CPPED1: variants seen among roughly 807,000 people sequenced by gnomAD.
The protein encoded by CPPED1 is serine/threonine-protein phosphatase CPPED1.
In CPPED1, 28 loss-of-function variants were observed where a neutral mutation model predicts 28.0. The ratio of observed to expected loss-of-function variants is 1.00; its 90% confidence interval spans 0.74 to 1.37. CPPED1 has a LOEUF of 1.37. CPPED1 is among the 40% of genes most tolerant of loss of function. The probability of loss-of-function intolerance (pLI) is 0.00; values close to 1 mark genes in which losing one functional copy is unlikely to be tolerated. For missense variants in CPPED1, 504 were observed against 416.5 expected (o/e 1.21, Z -1.83); for synonymous variants, 198 against 180.2 (o/e 1.10, Z -0.79).
In CPPED1 at chr16:12,662,166, T is replaced by C. The variant is rs771766394; in HGVS notation, c.*2720A>G. ...CACTTAGAATCAGGAAGTCCTTTTATCGTTTTTCACAGTATAAGGCACTTA... is the reference window on the plus strand; with the variant it reads ...CACTTAGAATCAGGAAGTCCTTTTACCGTTTTTCACAGTATAAGGCACTTA... On this transcript the variant is annotated 3_prime_UTR_variant, in exon 4 of 4. Coordinates refer to ENST00000381774, the MANE Select transcript of CPPED1 (RefSeq NM_018340.3). 3.3e-5 allele frequency: 5 copies of C among 152,232 alleles called. No homozygotes were observed. The highest frequency in any genetic ancestry group is 1.2e-4 in the African/African-American group (5 of 41,462). The allele number at this position is 152,232 out of a possible 1,614,324, so 9.4% of individuals were successfully genotyped here. A position where few individuals can be genotyped will look rare whatever the true frequency, so the allele number is the denominator to read the frequency against.
chr16:12,734,988 A>C (rs902418388), intron 2 of CPPED1, among the ~76,000 whole-genome samples: 4 of 152,166 alleles, frequency 2.6e-5, no homozygotes, highest in Non-Finnish European at 4.4e-5. Flanking sequence ...CTCAAGACAG[A>C]TCTTGGGTCA....
chr16:12,781,573 A>G (rs1006912636), intron 1 of CPPED1, among the ~76,000 whole-genome samples, 170 bp from the exon 2 acceptor site: 3 of 152,074 alleles, frequency 2.0e-5, no homozygotes, highest in Non-Finnish European at 4.4e-5. Context: ...GAGGATTTTG[A>G]TTTATACTAA....
At chr16:12,762,228 A>C (rs541477978) in intron 2 of CPPED1, among the ~76,000 whole-genome samples, 4 of 152,200 alleles carry the variant, frequency 2.6e-5, no homozygotes, top group African/African-American at 9.6e-5. Context: ...ATACTCTCTC[A>C]TTTATTTTTA....
chr16:12,704,517 G>C (rs2080037258), intron 3 of CPPED1, 107 bp downstream of exon 3: 4 of 1,220,538 alleles, frequency 3.3e-6, no homozygotes, highest in Non-Finnish European at 4.6e-6. Flanking sequence ...TCCCGGCCTA[G>C]TCCTCTCTCC....
At chr16:12,724,081 AC>A (rs1322351936) in intron 2 of CPPED1, among the ~76,000 whole-genome samples, 3 of 151,384 alleles carry the variant, frequency 2.0e-5, no homozygotes, top group Admixed American at 6.6e-5. Flanking sequence ...TATGCAAACC[AC>A]CCCCCACTCC....
intron 3 of CPPED1, among the ~76,000 whole-genome samples, chr16:12,672,825 C>A (rs1567272070): frequency 6.6e-6 from 1 of 152,086 alleles, no homozygotes; most frequent in East Asian, 1.9e-4. Flanking sequence ...AACAGCCTGG[C>A]CAAGATGGCA....
intron 2 of CPPED1, among the ~76,000 whole-genome samples, chr16:12,726,117 C>T (rs2080168600): frequency 6.6e-6 from 1 of 152,108 alleles, no homozygotes. Flanking sequence ...TCTTGGCTTA[C>T]CACAACCTCT....
intron 2 of CPPED1, among the ~76,000 whole-genome samples, chr16:12,779,361 G>A (rs2080516069): frequency 1.3e-5 from 2 of 151,728 alleles, no homozygotes; most frequent in Admixed American, 6.6e-5. Context: ...TGGGACTACA[G>A]GCATGCACCA....
At chr16:12,802,270 T>C (rs1376550495) in intron 1 of CPPED1, among the ~76,000 whole-genome samples, 1 of 151,994 alleles carries the variant, frequency 6.6e-6, no homozygotes, top group Non-Finnish European at 1.5e-5. Flanking sequence ...AAGAGCAAAA[T>C]CTTCATGTTG....
chr16:12,675,330 G>T (rs767468719), intron 3 of CPPED1, among the ~76,000 whole-genome samples: 12 of 152,144 alleles, frequency 7.9e-5, no homozygotes, highest in Non-Finnish European at 1.5e-4. Context: ...GAGATGACAG[G>T]CATCTTTTTA....
Position 12,803,755 on chromosome 16 carries a change from C to T in CPPED1, c.22G>A (p.Gly8Ser), listed in dbSNP as rs2080676202. Reference sequence around the variant, plus strand: ...CTGCCCCTGGCTCTGTGGAAAACACCCCCCGCCTCTGCAGCCGACATGGCG... The same window carrying T: ...CTGCCCCTGGCTCTGTGGAAAACACTCCCCGCCTCTGCAGCCGACATGGCG... MSAAEAG[G>S]VFHRARGRTL... The change falls in exon 1 of 4, where the codon GGT (glycine) becomes AGT (serine). Residue 8 changes from glycine to serine, a missense_variant. Transcript: ENST00000381774. The T allele has an allele frequency of 3.8e-6, 6 of 1,598,100 alleles. No individual in the cohort carries two copies. Among genetic ancestry groups the T allele is most frequent in the Non-Finnish European group, 5.1e-6 (6 of 1,173,542 alleles).
At chr16:12,667,729 T>G (rs1010584505) in intron 3 of CPPED1, among the ~76,000 whole-genome samples, 2 of 152,128 alleles carry the variant, frequency 1.3e-5, no homozygotes, top group Admixed American at 6.6e-5. Flanking sequence ...TGCTCTTGAT[T>G]TGAGTTCTCT....
intron 2 of CPPED1, among the ~76,000 whole-genome samples, chr16:12,727,946 G>A (rs1434924430): frequency 6.6e-6 from 1 of 152,150 alleles, no homozygotes; most frequent in African/African-American, 2.4e-5. Context: ...ACTATGTTTT[G>A]TCATAGAGAT....
chr16:12,722,899 G>A (rs2080149141), intron 2 of CPPED1, among the ~76,000 whole-genome samples: 1 of 152,182 alleles, frequency 6.6e-6, no homozygotes, highest in Non-Finnish European at 1.5e-5. Flanking sequence ...ATGCTCAGTA[G>A]ATGTGTGTGG....
rs147153995 is a variant in CPPED1 at position 12,786,084 on chromosome 16, G to A, written c.71-4681C>T. Among the ~76,000 whole-genome samples the A allele has an allele frequency of 8.9e-3, 1,354 of 152,332 alleles. 71 individuals carry two copies. The highest frequency in any genetic ancestry group is 0.079 in the Admixed American group (1,203 of 15,300). On this transcript the variant is annotated intron_variant, in intron 1 of 3. Coordinates refer to ENST00000381774, the MANE Select transcript of CPPED1 (RefSeq NM_018340.3). ...CTAGCCTGGCAATGAGCCTGATGAA[G>A]AGGGACAAGGTGAGGGTTACCTGAC...
At chr16:12,772,078 G>A (rs891615290) in intron 2 of CPPED1, among the ~76,000 whole-genome samples, 6 of 152,062 alleles carry the variant, frequency 3.9e-5, no homozygotes, top group Non-Finnish European at 5.9e-5. Context: ...AGCTGAGATC[G>A]TACCGCTGCA....
rs2080417543 is a variant in CPPED1, at chr16:12,762,894, C to G, written c.289+18291G>C. 2.6e-5 allele frequency among the ~76,000 whole-genome samples: 4 copies of G among 151,954 alleles called. No individual in the cohort carries two copies. The South Asian group carries it at 8.3e-4, about 32-fold the overall frequency. ...AAGTGGCTGGGACTACAGGTACACACCACCACACCCAGCTAATTAAAAAAA... is the reference window on the plus strand; with the variant it reads ...AAGTGGCTGGGACTACAGGTACACAGCACCACACCCAGCTAATTAAAAAAA... On this transcript the variant is annotated intron_variant, in intron 2 of 3. Transcript: ENST00000381774.
At chr16:12,751,309 C>A (rs2080327043) in intron 2 of CPPED1, among the ~76,000 whole-genome samples, 1 of 152,154 alleles carries the variant, frequency 6.6e-6, no homozygotes, top group Admixed American at 6.5e-5. Context: ...CTCCAGTAAA[C>A]ACACAAATGA....
chr16:12,697,233 C>T (rs2079996232), intron 3 of CPPED1, among the ~76,000 whole-genome samples: 1 of 152,044 alleles, frequency 6.6e-6, no homozygotes, highest in Admixed American at 6.6e-5. Context: ...CCATGTTGGC[C>T]AGGCTGGTCT....
Sources: allele counts gnomAD v4.1 joint callset (sites outside exome capture counted in the v4.1 genomes callset), GRCh38; gene constraint gnomAD v4.1.1; transcripts MANE v1.5; gene names NCBI Gene and HGNC (gene_info 2026-07-23, HGNC 2026-07-21).